SMARCA2: variants seen among roughly 807,000 people sequenced by gnomAD.
The protein encoded by SMARCA2 is SWI/SNF-related matrix-associated actin-dependent regulator of chromatin subfamily A member 2.
Under a neutral mutation model 199.8 loss-of-function variants are expected in SMARCA2, and 61 were observed. The observed-to-expected ratio is 0.31, with a 90% CI of 0.25 to 0.38. The LOEUF is 0.38. SMARCA2 is among the 10% of genes least tolerant of loss of function. SMARCA2 has a pLI of 1.00. For synonymous variants in SMARCA2, 935 were observed against 732.0 expected, an observed-to-expected ratio of 1.28 and a Z score of -4.48; for missense variants, 1,344 against 2,012.2, an observed-to-expected ratio of 0.67 and a Z score of 6.35.
At chr9:2,122,359 A>G (rs1040716846) in intron 26 of SMARCA2, among the ~76,000 whole-genome samples, 3 of 152,054 alleles carry the variant, frequency 2.0e-5, no homozygotes, top group Admixed American at 6.6e-5. Flanking sequence ...TCTAATAACT[A>G]TTAGGAGGTT....
At chr9:2,082,712 T>A (rs549968597) in intron 15 of SMARCA2, among the ~76,000 whole-genome samples, 88 of 152,380 alleles carry the variant, frequency 5.8e-4, no homozygotes, top group African/African-American at 2.1e-3. Context: ...AATGCTGATA[T>A]GAACTTGGAC....
chr9:2,076,921 G>T (rs974229588), intron 13 of SMARCA2, among the ~76,000 whole-genome samples: 4 of 152,110 alleles, frequency 2.6e-5, no homozygotes, highest in Non-Finnish European at 5.9e-5. Flanking sequence ...ACTATTAAAA[G>T]AAAACTGTTG....
At chr9:2,025,549 C>G (rs150469008) in intron 1 of SMARCA2, among the ~76,000 whole-genome samples, 199 of 152,294 alleles carry the variant, frequency 1.3e-3, no homozygotes, top group African/African-American at 4.3e-3. Context: ...ACTATGCTTA[C>G]TGCTGTCGTC....
chr9:2,072,129 G>A (rs960180086), intron 10 of SMARCA2: 5 of 152,128 alleles, frequency 3.3e-5, no homozygotes, highest in East Asian at 3.8e-4. Context: ...GAAGATAAAC[G>A]ATAGCATACT....
At chr9:2,048,076 T>A (rs1819954592) in intron 5 of SMARCA2, 1 of 152,186 alleles carries the variant, frequency 6.6e-6, no homozygotes, top group South Asian at 2.1e-4. Context: ...GGCCATACCG[T>A]CTCTGTCACA....
intron 8 of SMARCA2, among the ~76,000 whole-genome samples, chr9:2,059,456 G>A (rs1410474628): frequency 2.0e-5 from 3 of 152,108 alleles, no homozygotes. Context: ...CTGTCCGAGA[G>A]GTTTCTGACT....
At chr9:2,133,786 T>C (rs560787788) in intron 27 of SMARCA2, among the ~76,000 whole-genome samples, 57 of 152,238 alleles carry the variant, frequency 3.7e-4, no homozygotes, top group African/African-American at 1.3e-3. Flanking sequence ...TCATCATCAT[T>C]ATGCCTCAGG....
At chr9:2,126,459 C>T (rs1258200411) in intron 27 of SMARCA2, among the ~76,000 whole-genome samples, 1 of 152,214 alleles carries the variant, frequency 6.6e-6, no homozygotes, top group Non-Finnish European at 1.5e-5. Context: ...TGTTCACCAG[C>T]AGCAATCCTA....
intron 4 of SMARCA2, chr9:2,043,360 G>A (rs1235629790): frequency 6.6e-6 from 1 of 152,162 alleles, no homozygotes; most frequent in Non-Finnish European, 1.5e-5. Context: ...CCTACAAAAT[G>A]TCAGCCACTC....
At position 2,161,988 on chromosome 9, in the gene SMARCA2, G is replaced by A; in HGVS notation, c.4199+85G>A. On this transcript the variant is annotated intron_variant, in intron 28 of 33. Coordinates refer to ENST00000349721, the MANE Select transcript of SMARCA2 (RefSeq NM_003070.5). This position sits in a 1 kb window ranked among gnomAD's most constrained non-coding sequence, Gnocchi z 4.7. Reference sequence around the variant, plus strand: ...TGAGGAGCAGGAGTTGTTAAGTTGTGCACTTAGGTTTTATTAAGGTTCTTT... The same window carrying A: ...TGAGGAGCAGGAGTTGTTAAGTTGTACACTTAGGTTTTATTAAGGTTCTTT... 2 of 1,093,130 alleles carry A rather than the reference G, an allele frequency of 1.8e-6. No individual in the cohort carries two copies. Among genetic ancestry groups the A allele is most frequent in the South Asian group, 1.5e-5 (1 of 65,532 alleles). 67.7% of individuals were successfully genotyped at this position (1,093,130 alleles called of 1,614,324 possible). A position where few individuals can be genotyped will look rare whatever the true frequency, so the allele number is the denominator to read the frequency against.
At chr9:2,146,671 G>C (rs1254764316) in intron 27 of SMARCA2, among the ~76,000 whole-genome samples, 1 of 152,228 alleles carries the variant, frequency 6.6e-6, no homozygotes, top group Non-Finnish European at 1.5e-5. Context: ...TTCGAGGGCT[G>C]CTGCTTGCCC....
At chr9:2,095,248 G>A (rs923410576) in intron 19 of SMARCA2, among the ~76,000 whole-genome samples, 2 of 151,976 alleles carry the variant, frequency 1.3e-5, no homozygotes, top group African/African-American at 4.8e-5. Flanking sequence ...ACCATGCCTG[G>A]CTAATTTTTG....
At chr9:2,154,823 T>A (rs1825261523) in intron 27 of SMARCA2, among the ~76,000 whole-genome samples, 1 of 152,246 alleles carries the variant, frequency 6.6e-6, no homozygotes, top group South Asian at 2.1e-4. Context: ...CTTTTGGCAT[T>A]TCATTTTTAA....
At chr9:2,188,043 A>AAAAACG (rs1285550578) in intron 32 of SMARCA2, among the ~76,000 whole-genome samples, 4 of 152,234 alleles carry the variant, frequency 2.6e-5, no homozygotes, top group Non-Finnish European at 5.9e-5. Flanking sequence ...TTTCAAATAT[A>AAAAACG]TTAAAAGTAT....
At position 2,086,035 on chromosome 9, in the gene SMARCA2, A is replaced by C. The variant is rs1444514870; in HGVS notation, c.2527-794A>C. On this transcript the variant is annotated intron_variant, in intron 17 of 33. Transcript: ENST00000349721. The surrounding 1 kb of genome is among the most constrained non-coding windows in gnomAD (Gnocchi z 4.3). The stretch of plus-strand genomic sequence containing the variant: ...GTTTTACGCAATCGTCATGTTGGGG[A>C]AGTATGCTGTATTTAATTCTGCAGT... 1 of 152,244 alleles carries C rather than the reference A, an allele frequency of 6.6e-6. No homozygotes were observed. The highest frequency in any genetic ancestry group is 2.4e-5 in the African/African-American group (1 of 41,442). 9.4% of individuals were successfully genotyped at this position (152,244 alleles called of 1,614,324 possible).
At chr9:2,176,778 G>C (rs571829614) in intron 29 of SMARCA2, among the ~76,000 whole-genome samples, 3 of 150,884 alleles carry the variant, frequency 2.0e-5, no homozygotes, top group East Asian at 1.9e-4. Flanking sequence ...TGCTGGTCTT[G>C]AATTCCTGAG....
chr9:2,164,314 T>TG (rs1825836700), intron 28 of SMARCA2, among the ~76,000 whole-genome samples: 1 of 150,194 alleles, frequency 6.7e-6, no homozygotes, highest in African/African-American at 2.5e-5. Flanking sequence ...AGCTAAGCAT[T>TG]GCACAGTGGT....
chr9:2,058,156 C>A (rs1210272506), intron 7 of SMARCA2, 135 bp from the exon 8 acceptor site: 3 of 752,294 alleles, frequency 4.0e-6, no homozygotes, highest in Non-Finnish European at 6.7e-6. Context: ...ACCAGGGCAC[C>A]TATCCCCAAA....
chr9:2,108,271 G>A (rs531306010), intron 23 of SMARCA2, among the ~76,000 whole-genome samples: 8 of 152,286 alleles, frequency 5.3e-5, no homozygotes, highest in Admixed American at 5.2e-4. Flanking sequence ...CCATGGTGAC[G>A]TATGCATGTT....
Sources: allele counts gnomAD v4.1 joint callset (sites outside exome capture counted in the v4.1 genomes callset), GRCh38; gene constraint gnomAD v4.1.1; non-coding constraint Gnocchi (gnomAD v3.1); transcripts MANE v1.5; gene names NCBI Gene and HGNC (gene_info 2026-07-23, HGNC 2026-07-21).